KAZN: variants seen among roughly 807,000 people sequenced by gnomAD.
KAZN encodes the protein kazrin, periplakin interacting protein, also known as kazrin.
Under a neutral mutation model 87.4 loss-of-function variants are expected in KAZN, and 40 were observed. That is an observed-to-expected ratio of 0.46 (90% CI 0.36 to 0.60). The LOEUF (loss-of-function observed/expected upper bound fraction) is 0.60. Ranked by LOEUF, KAZN falls within the 20% of genes least tolerant of loss-of-function variation. The probability of loss-of-function intolerance (pLI) is 0.00; values close to 1 mark genes in which losing one functional copy is unlikely to be tolerated. For missense variants in KAZN, 898 were observed against 1,073.9 expected (o/e 0.84, Z 2.29); for synonymous variants, 466 against 458.3 (o/e 1.02, Z -0.22).
In KAZN at chr1:14,923,005, A is replaced by G. The variant is rs572494157; in HGVS notation, c.227-37679A>G. Among the ~76,000 whole-genome samples, 1 of 152,286 alleles carries G rather than the reference A, an allele frequency of 6.6e-6. No individual in the cohort carries two copies. Among genetic ancestry groups the G allele is most frequent in the South Asian group, 2.1e-4 (1 of 4,816 alleles). On this transcript the variant is annotated intron_variant, in intron 1 of 14. Coordinates refer to ENST00000376030, the MANE Select transcript of KAZN (RefSeq NM_201628.3). This position sits in a 1 kb window ranked among gnomAD's most constrained non-coding sequence, Gnocchi z 4.2. ...GGAAACTGCTCCTAAAAGGTTTTGT[A>G]GACTTAAGGGAAAGTAATTAGGTTC...
intron 1 of KAZN, among the ~76,000 whole-genome samples, chr1:14,130,215 A>G (rs1644963470): frequency 6.6e-6 from 1 of 152,082 alleles, no homozygotes; most frequent in Admixed American, 6.6e-5. Context: ...AGCTCTGAGC[A>G]TGGTATTGTG....
chr1:14,611,688 C>CA (rs34013908), intron 1 of KAZN, among the ~76,000 whole-genome samples: 29,307 of 119,514 alleles, frequency 0.25, 3,159 homozygotes, highest in East Asian at 0.3. Flanking sequence ...CACCCTGTCT[C>CA]AAAAAAAAAA....
intron 1 of KAZN, among the ~76,000 whole-genome samples, chr1:13,914,499 T>G (rs1399965744): frequency 6.6e-6 from 1 of 152,244 alleles, no homozygotes; most frequent in Non-Finnish European, 1.5e-5. Context: ...TGTAATGGGA[T>G]GTCACCGCCT....
intron 1 of KAZN, among the ~76,000 whole-genome samples, chr1:14,839,860 A>G (rs1647732620): frequency 6.6e-6 from 1 of 152,156 alleles, no homozygotes; most frequent in Non-Finnish European, 1.5e-5. Context: ...CTAAGTTTGC[A>G]GAGCAGGCAA....
At chr1:14,071,834 C>T (rs1388461792) in intron 1 of KAZN, among the ~76,000 whole-genome samples, 1 of 152,208 alleles carries the variant, frequency 6.6e-6, no homozygotes, top group Non-Finnish European at 1.5e-5. Flanking sequence ...GCTGGCGGTT[C>T]TGCCTGAGCA....
intron 2 of KAZN, among the ~76,000 whole-genome samples, chr1:14,964,618 A>T (rs534601293): frequency 9.2e-5 from 14 of 152,166 alleles, no homozygotes; most frequent in Non-Finnish European, 1.8e-4. Flanking sequence ...AAAGGGATTT[A>T]TATGCCCATA....
intron 1 of KAZN, among the ~76,000 whole-genome samples, chr1:14,065,566 TAAA>T (rs201024966): frequency 2.3e-5 from 3 of 131,022 alleles, no homozygotes; most frequent in African/African-American, 5.6e-5. Flanking sequence ...GAAATGCATT[TAAA>T]AAAAAAAAAA....
At chr1:14,790,696 A>G (rs922902033) in intron 1 of KAZN, among the ~76,000 whole-genome samples, 3 of 152,104 alleles carry the variant, frequency 2.0e-5, no homozygotes, top group Non-Finnish European at 4.4e-5. Flanking sequence ...GTCTCCTAGA[A>G]TTGGAGGAAT....
At chr1:14,561,137 C>G (rs1674231277) in intron 2 of KAZN, among the ~76,000 whole-genome samples, 1 of 152,236 alleles carries the variant, frequency 6.6e-6, no homozygotes, top group South Asian at 2.1e-4. Flanking sequence ...TTCCCATACA[C>G]TGTGGCCAGC....
intron 1 of KAZN, among the ~76,000 whole-genome samples, chr1:14,939,520 C>T (rs577948171): frequency 2.0e-5 from 3 of 152,274 alleles, no homozygotes; most frequent in Admixed American, 6.5e-5. Context: ...GTGATCCTCC[C>T]ACCTCAGCCT....
intron 2 of KAZN, among the ~76,000 whole-genome samples, chr1:14,214,213 C>T (rs552497107): frequency 3.7e-5 from 5 of 134,254 alleles, no homozygotes; most frequent in South Asian, 2.6e-4. Context: ...TCCAAGGACC[C>T]GGTCTTACCT....
chr1:14,848,790 C>CG (rs1238562917), intron 1 of KAZN, among the ~76,000 whole-genome samples: 2 of 152,188 alleles, frequency 1.3e-5, no homozygotes, highest in African/African-American at 4.8e-5. Flanking sequence ...GGCCATGAAG[C>CG]GGGGACATTT....
At chr1:14,083,008 C>T (rs1054629385) in intron 1 of KAZN, among the ~76,000 whole-genome samples, 5 of 152,180 alleles carry the variant, frequency 3.3e-5, no homozygotes, top group South Asian at 2.1e-4. Context: ...CTGGCTAACA[C>T]GGTGAAACCC....
At chr1:14,842,327 T>A (rs1021833659) in intron 1 of KAZN, among the ~76,000 whole-genome samples, 1 of 152,206 alleles carries the variant, frequency 6.6e-6, no homozygotes, top group Non-Finnish European at 1.5e-5. Flanking sequence ...ATATCTGTGG[T>A]AGTGTCTCTT....
chr1:13,901,484 C>G (rs1279526187), intron 1 of KAZN, among the ~76,000 whole-genome samples: 1 of 152,176 alleles, frequency 6.6e-6, no homozygotes, highest in African/African-American at 2.4e-5. Flanking sequence ...ATTAGGATTT[C>G]CAGTGTTGCC....
intron 2 of KAZN, among the ~76,000 whole-genome samples, chr1:14,995,299 G>T (rs1182131248): frequency 6.6e-6 from 1 of 152,202 alleles, no homozygotes; most frequent in Admixed American, 6.5e-5. Flanking sequence ...CCACATCCCG[G>T]TTCTCTTAGA....
intron 2 of KAZN, among the ~76,000 whole-genome samples, chr1:14,437,150 G>A (rs1182958672): frequency 6.6e-6 from 1 of 152,166 alleles, no homozygotes; most frequent in South Asian, 2.1e-4. Context: ...AATTCAGTGA[G>A]TCAGAGCCAT....
At chr1:14,121,902 C>T (rs1212564800) in intron 1 of KAZN, among the ~76,000 whole-genome samples, 2 of 152,080 alleles carry the variant, frequency 1.3e-5, no homozygotes, top group African/African-American at 2.4e-5. Flanking sequence ...AGGAAATAGC[C>T]AGTGCAAGGC....
At chr1:14,630,749 T>A (rs1373304191) in intron 1 of KAZN, among the ~76,000 whole-genome samples, 2 of 152,132 alleles carry the variant, frequency 1.3e-5, no homozygotes, top group African/African-American at 4.8e-5. Context: ...AGTCATGAAC[T>A]CTGAAATCAG....
Sources: gnomAD v4.1 joint callset for allele counts (sites outside exome capture counted in the v4.1 genomes callset) on GRCh38, gnomAD v4.1.1 for gene constraint, Gnocchi (gnomAD v3.1) non-coding constraint, MANE v1.5 for transcripts, NCBI Gene and HGNC (gene_info 2026-07-23, HGNC 2026-07-21) for gene names.